The following TMEM132B variants were observed in gnomAD, a reference collection of about 807,000 sequenced individuals.
The protein encoded by TMEM132B is transmembrane protein 132B.
In TMEM132B, 18 loss-of-function variants were observed where a neutral mutation model predicts 90.8. That is an observed-to-expected ratio of 0.20 (90% CI 0.14 to 0.29). TMEM132B has a LOEUF of 0.29. Ranked by LOEUF, TMEM132B falls within the 10% of genes least tolerant of loss-of-function variation. TMEM132B has a pLI of 1.00. For missense variants in TMEM132B, 1,096 were observed against 1,326.8 expected (o/e 0.83, Z 2.70); for synonymous variants, 504 against 523.3 (o/e 0.96, Z 0.50).
intron 1 of TMEM132B, chr12:125,327,292 A>C (rs1196858973): frequency 6.6e-6 from 1 of 152,482 alleles, no homozygotes; most frequent in Non-Finnish European, 1.5e-5. Context: ...ATACGTCCCA[A>C]GCAGAGCTCA....
intron 3 of TMEM132B, among the ~76,000 whole-genome samples, chr12:125,438,995 GCTAT>G (rs1052056896): frequency 1.1e-4 from 17 of 151,888 alleles, no homozygotes; most frequent in African/African-American, 4.1e-4. Flanking sequence ...TAAAATTTTT[GCTAT>G]TATAGATCTT....
rs190588580 is a variant in TMEM132B at position 125,611,494 on chromosome 12, A to G, written c.1437+27500A>G. 1.8e-3 allele frequency among the ~76,000 whole-genome samples: 273 copies of G among 152,078 alleles called. 2 individuals carry two copies. The highest frequency in any genetic ancestry group is 4.1e-3 in the Admixed American group (63 of 15,272). On this transcript the variant is annotated intron_variant, in intron 5 of 8. Coordinates refer to ENST00000682704, the MANE Select transcript of TMEM132B (RefSeq NM_001366854.1). Reference sequence around the variant, plus strand: ...TTCCACTGTCTGAAGGTAGAGCATTAGGTTATTAATTTGAGAACTTATATT... The same window carrying G: ...TTCCACTGTCTGAAGGTAGAGCATTGGGTTATTAATTTGAGAACTTATATT...
chr12:125,257,202 A>T (rs1360148271), intron 1 of TMEM132B, among the ~76,000 whole-genome samples: 1 of 152,098 alleles, frequency 6.6e-6, no homozygotes, highest in Non-Finnish European at 1.5e-5. Context: ...GCTACTTGGG[A>T]GGTGAAGGTG....
intron 5 of TMEM132B, 91 bp from the exon 6 acceptor site, chr12:125,643,985 A>G: frequency 8.7e-7 from 1 of 1,148,396 alleles, no homozygotes; most frequent in South Asian, 1.4e-5. Flanking sequence ...AATAAATCAG[A>G]GCTGCTGCAG....
intron 3 of TMEM132B, among the ~76,000 whole-genome samples, chr12:125,518,131 G>A (rs1483451069): frequency 6.6e-6 from 1 of 152,106 alleles, no homozygotes; most frequent in African/African-American, 2.4e-5. Context: ...TTACCAATCA[G>A]GTCAGTGTGA....
chr12:125,300,469 A>G (rs1247141536), intron 1 of TMEM132B, among the ~76,000 whole-genome samples: 1 of 152,162 alleles, frequency 6.6e-6, no homozygotes, highest in Non-Finnish European at 1.5e-5. Context: ...GCCCTAGAGA[A>G]GTGGCACCTA....
intron 1 of TMEM132B, among the ~76,000 whole-genome samples, chr12:125,283,515 A>G (rs1298352074): frequency 6.6e-6 from 1 of 152,186 alleles, no homozygotes; most frequent in Non-Finnish European, 1.5e-5. Context: ...GCTAAAAACC[A>G]GGAAGATGCT....
chr12:125,532,723 C>T (rs558213069), intron 4 of TMEM132B, among the ~76,000 whole-genome samples: 3 of 152,188 alleles, frequency 2.0e-5, no homozygotes, highest in East Asian at 3.9e-4. Context: ...CCATGTTGGC[C>T]AGGCTGGTCT....
chr12:125,355,622 A>G (rs1877740922), intron 2 of TMEM132B, among the ~76,000 whole-genome samples: 1 of 152,142 alleles, frequency 6.6e-6, no homozygotes. Context: ...TCGAAATAAG[A>G]TACTTTTCTT....
chr12:125,609,474 G>A (rs1443954451), intron 5 of TMEM132B, among the ~76,000 whole-genome samples: 1 of 151,992 alleles, frequency 6.6e-6, no homozygotes, highest in East Asian at 1.9e-4. Context: ...AATTGCATTG[G>A]ATTTGTAGGT....
chr12:125,632,175 C>T (rs551215278), intron 5 of TMEM132B, among the ~76,000 whole-genome samples: 126 of 151,848 alleles, frequency 8.3e-4, no homozygotes, highest in African/African-American at 3.0e-3. Context: ...TTGAGATTAC[C>T]GTGCGGCTTG....
intron 3 of TMEM132B, among the ~76,000 whole-genome samples, chr12:125,456,816 C>T (rs1454235653): frequency 2.0e-5 from 3 of 152,206 alleles, no homozygotes; most frequent in Non-Finnish European, 2.9e-5. Context: ...GACCCCCAAA[C>T]CTTACATCTG....
chr12:125,227,116 A>T (rs1015253358), intron 1 of TMEM132B, among the ~76,000 whole-genome samples: 1 of 152,160 alleles, frequency 6.6e-6, no homozygotes, highest in Non-Finnish European at 1.5e-5. Context: ...GTTCACTCCA[A>T]AGTGATTTTT....
At chr12:125,360,416 C>A (rs551022090) in intron 2 of TMEM132B, among the ~76,000 whole-genome samples, 2 of 152,276 alleles carry the variant, frequency 1.3e-5, no homozygotes, top group African/African-American at 4.8e-5. Flanking sequence ...GTAAATGAAA[C>A]AAATTTTAAT....
At chr12:125,296,674 C>T (rs1261254739) in intron 1 of TMEM132B, among the ~76,000 whole-genome samples, 1 of 152,232 alleles carries the variant, frequency 6.6e-6, no homozygotes, top group South Asian at 2.1e-4. Flanking sequence ...GGCATAGAAC[C>T]CAGCACCTGG....
chr12:125,377,181 T>G lies in TMEM132B; in HGVS notation c.959+26838T>G, dbSNP rs150798379. 5.3e-3 allele frequency among the ~76,000 whole-genome samples: 809 copies of G among 152,308 alleles called. 1 individual carries two copies. Among genetic ancestry groups the G allele is most frequent in the Non-Finnish European group, 7.4e-3 (505 of 68,028 alleles). ...CTGTGCAGGTGGGTAGTGGGGAACA[T>G]GTGGTTACTGAGGGCTGATTTACTT... is the stretch of plus-strand genomic sequence containing the variant. On this transcript the variant is annotated intron_variant, in intron 2 of 8. Transcript: ENST00000682704.
chr12:125,538,576 C>A (rs558174368), intron 4 of TMEM132B, among the ~76,000 whole-genome samples: 11 of 152,326 alleles, frequency 7.2e-5, no homozygotes, highest in Admixed American at 2.6e-4. Flanking sequence ...CATCCGTGGG[C>A]TGAATGCTTA....
rs560391188 is a variant in TMEM132B, at chr12:125,282,900, C to T, written c.68-66552C>T. On this transcript the variant is annotated intron_variant, in intron 1 of 8. Transcript: ENST00000682704. ...TCCTGGCCCTGGTTCCTTGAACAAC[C>T]ATTCCAATGTGGTCCTTATATCTTT... Among the ~76,000 whole-genome samples, 13 of 152,268 alleles carry T rather than the reference C, an allele frequency of 8.5e-5. 1 individual carries two copies. The South Asian group carries it at 2.7e-3, about 32-fold the overall frequency.
rs1206684528 is a variant in TMEM132B, at chr12:125,277,386, G to A, written c.68-72066G>A. Among the ~76,000 whole-genome samples the A allele has an allele frequency of 2.6e-5, 4 of 151,970 alleles. 1 individual carries two copies. Among genetic ancestry groups the A allele is most frequent in the Non-Finnish European group, 5.9e-5 (4 of 67,984 alleles). On this transcript the variant is annotated intron_variant, in intron 1 of 8. Transcript: ENST00000682704. This position sits in a 1 kb window ranked among gnomAD's most constrained non-coding sequence, Gnocchi z 4.3. ...CCCAGCTACTCAGGAGGCTGAGGCT[G>A]GAGAATCGCTTGAACCTGGGAGGCG...
Sources: gnomAD v4.1 joint callset for allele counts (sites outside exome capture counted in the v4.1 genomes callset) on GRCh38, gnomAD v4.1.1 for gene constraint, Gnocchi (gnomAD v3.1) non-coding constraint, MANE v1.5 for transcripts, NCBI Gene and HGNC (gene_info 2026-07-23, HGNC 2026-07-21) for gene names.